Variants in GAB2 observed in about 807,000 individuals in gnomAD.
GAB2 encodes GRB2-associated-binding protein 2.
In GAB2, 26 loss-of-function variants were observed where a neutral mutation model predicts 65.5. The ratio of observed to expected loss-of-function variants is 0.40; its 90% CI spans 0.29 to 0.55. GAB2 has a LOEUF of 0.55. Among genes scored for constraint, GAB2 ranks in the 20% least tolerant of loss-of-function variants. GAB2 has a pLI of 0.53. For missense variants in GAB2, 884 were observed against 875.8 expected (o/e 1.01, Z -0.12); for synonymous variants, 321 against 329.6 (o/e 0.97, Z 0.28).
intron 1 of GAB2, among the ~76,000 whole-genome samples, chr11:78,290,927 T>G (rs1866648298): frequency 6.6e-6 from 1 of 152,182 alleles, no homozygotes; most frequent in African/African-American, 2.4e-5. Context: ...TCAGCAAACT[T>G]TGTTAAGGAT....
rs1311436921 is a variant in GAB2, at chr11:78,223,650, C to T, written c.1329G>A (p.Ser443=). Residue 443 remains serine, a synonymous_variant, in exon 6 of 10, where the codon TCG becomes TCA. Transcript: ENST00000361507. ...AGTTGTCTTCAGAATTGGTGCTGTC[C>T]GATCGGCCCACAATCATTTTCCCTG... ...FLPGKMIVGR[S]DSTNSEDNYV... 2.3e-5 allele frequency: 37 copies of T among 1,606,898 alleles called. No homozygotes were observed. The highest frequency in any genetic ancestry group is 2.0e-4 in the African/African-American group (15 of 74,616).
intron 1 of GAB2, among the ~76,000 whole-genome samples, chr11:78,394,458 C>G (rs981971717): frequency 6.6e-6 from 1 of 152,138 alleles, no homozygotes; most frequent in African/African-American, 2.4e-5. Context: ...TGGGGTGGTC[C>G]TCTCCCTACC....
At chr11:78,289,523 TAA>T (rs1413157816) in intron 1 of GAB2, among the ~76,000 whole-genome samples, 2 of 152,160 alleles carry the variant, frequency 1.3e-5, no homozygotes, top group African/African-American at 4.8e-5. Context: ...CTTTGACAGA[TAA>T]AGAGGCAAGG....
At chr11:78,321,644 G>A (rs375384584) in intron 1 of GAB2, among the ~76,000 whole-genome samples, 3 of 152,246 alleles carry the variant, frequency 2.0e-5, no homozygotes, top group African/African-American at 4.8e-5. Flanking sequence ...TTTAACAAAA[G>A]TTCAGTTTTG....
intron 1 of GAB2, among the ~76,000 whole-genome samples, chr11:78,345,345 G>C (rs1453920031): frequency 6.6e-6 from 1 of 152,106 alleles, no homozygotes; most frequent in African/African-American, 2.4e-5. Context: ...GATGAAACTA[G>C]AGCTATATTT....
chr11:78,361,824 G>C (rs1419599068), intron 1 of GAB2, among the ~76,000 whole-genome samples: 2 of 152,152 alleles, frequency 1.3e-5, no homozygotes, highest in Non-Finnish European at 1.5e-5. Flanking sequence ...TACCAAAAGT[G>C]TAAGAGTATA....
At position 78,226,619 on chromosome 11, in the gene GAB2, G is replaced by GGC; in HGVS notation, c.1052_1053insGC (p.Pro353HisfsTer75). The GGC allele has an allele frequency of 1.1e-6, 1 of 952,238 alleles. No homozygotes were observed. Among genetic ancestry groups the GGC allele is most frequent in the Non-Finnish European group, 1.6e-6 (1 of 620,414 alleles). 59.0% of individuals were successfully genotyped at this position (952,238 alleles called of 1,614,324 possible). Reference sequence around the variant, plus strand: ...GACTTGGCTTGGGGGGGCGGGGTGGGGGAGCTATGGCTGAGTCCCCAGGAG... The same window carrying GGC: ...GACTTGGCTTGGGGGGGCGGGGTGGGGCGGAGCTATGGCTGAGTCCCCAGGAG... On this transcript the variant is annotated frameshift_variant, in exon 4 of 10. Transcript: ENST00000361507. LOFTEE classifies it high-confidence loss of function.
At chr11:78,233,311 A>G (rs994441725) in intron 3 of GAB2, among the ~76,000 whole-genome samples, 3 of 152,186 alleles carry the variant, frequency 2.0e-5, no homozygotes, top group African/African-American at 7.2e-5. Flanking sequence ...CTGGGATTAT[A>G]GGCATGAGCC....
chr11:78,363,715 G>C (rs980078317), intron 1 of GAB2, among the ~76,000 whole-genome samples: 12 of 151,592 alleles, frequency 7.9e-5, no homozygotes, highest in African/African-American at 2.9e-4. Flanking sequence ...CTCCCAAGTA[G>C]TTGGGACTAT....
chr11:78,332,418 C>T (rs1855930805), intron 1 of GAB2, among the ~76,000 whole-genome samples: 1 of 152,100 alleles, frequency 6.6e-6, no homozygotes, highest in African/African-American at 2.4e-5. Flanking sequence ...ATTTAAATTT[C>T]CTTTCAATAT....
intron 1 of GAB2, among the ~76,000 whole-genome samples, chr11:78,389,706 G>A (rs748135998): frequency 4.6e-5 from 7 of 152,088 alleles, no homozygotes; most frequent in Non-Finnish European, 1.0e-4. Flanking sequence ...CTTTTAAATG[G>A]TGACTTTTAT....
rs1359205122 is a variant in GAB2 at position 78,318,908 on chromosome 11, C to A, written c.76-38007G>T. ...TCCCGCACTGGAGCTGTTGGCTCAT[C>A]CCTGGAAATCACAACAATCAAGAAT... On this transcript the variant is annotated intron_variant, in intron 1 of 9. Transcript: ENST00000361507. Among the ~76,000 whole-genome samples, 4 of 152,304 alleles carry A rather than the reference C, an allele frequency of 2.6e-5. No individual in the cohort carries two copies. The South Asian group carries it at 8.3e-4, about 32-fold the overall frequency.
At chr11:78,265,463 T>A (rs1004856045) in intron 2 of GAB2, among the ~76,000 whole-genome samples, 1 of 152,176 alleles carries the variant, frequency 6.6e-6, no homozygotes, top group Non-Finnish European at 1.5e-5. Flanking sequence ...AGTTTCTCAT[T>A]CTATGAAATC....
rs1346728212 is a variant in GAB2, at chr11:78,226,452, G to T, written c.1207+13C>A. ...CCTCCTCCCTCTGAGTCTCAGCTAG[G>T]ACTTATACTGACCTCGGTGAAGTCG... On this transcript the variant is annotated intron_variant, in intron 4 of 9. Transcript: ENST00000361507. 4 of 1,594,582 alleles carry T rather than the reference G, an allele frequency of 2.5e-6. No individual in the cohort carries two copies. The highest frequency in any genetic ancestry group is 1.7e-4 in the Middle Eastern group (1 of 6,028).
chr11:78,380,795 G>A (rs115285045), intron 1 of GAB2, among the ~76,000 whole-genome samples: 1,254 of 11,228 alleles, frequency 0.11, 23 homozygotes, highest in African/African-American at 0.27. Flanking sequence ...CCCCCACCCC[G>A]TAATTAAGAC....
intron 1 of GAB2, among the ~76,000 whole-genome samples, chr11:78,346,566 A>G: frequency 6.9e-6 from 1 of 145,732 alleles, no homozygotes; most frequent in Non-Finnish European, 1.5e-5. Context: ...CACCTACATC[A>G]TGCTGCCTGA....
intron 9 of GAB2, 50 bp from the exon 10 acceptor site, chr11:78,219,465 G>A: frequency 6.3e-7 from 1 of 1,580,922 alleles, no homozygotes; most frequent in South Asian, 1.1e-5. Context: ...TACCAGTTAG[G>A]TGGGGAGGAA....
chr11:78,412,994 G>C (rs139854211), intron 1 of GAB2, among the ~76,000 whole-genome samples: 41 of 152,330 alleles, frequency 2.7e-4, no homozygotes, highest in African/African-American at 6.5e-4. Context: ...GGGTGACGGG[G>C]AGTCAAAGAT....
Position 78,356,184 on chromosome 11 carries a change from A to C in GAB2, c.75+61462T>G, listed in dbSNP as rs1193219146. On this transcript the variant is annotated intron_variant, in intron 1 of 9. Transcript: ENST00000361507. Reference sequence around the variant, plus strand: ...CAAGACTCCATCTCAAAAAAAAAGAAAAAAAAAAAAAAGACACAGTGGTGG... The same window carrying C: ...CAAGACTCCATCTCAAAAAAAAAGACAAAAAAAAAAAAGACACAGTGGTGG... 4.9e-5 allele frequency among the ~76,000 whole-genome samples: 7 copies of C among 144,026 alleles called. No homozygotes were observed. In the South Asian group the frequency reaches 1.3e-3, roughly 27 times the overall value. The allele number at this position is 144,026 out of a possible 152,430, so 94.5% of individuals were successfully genotyped here.
Sources: allele counts gnomAD v4.1 joint callset (sites outside exome capture counted in the v4.1 genomes callset), GRCh38; gene constraint gnomAD v4.1.1; transcripts MANE v1.5; gene names NCBI Gene and HGNC (gene_info 2026-07-23, HGNC 2026-07-21).